The following ALLC variants were observed in gnomAD, a reference collection of about 807,000 sequenced individuals.
ALLC encodes the protein probable inactive allantoicase.
Under a neutral mutation model 45.0 loss-of-function variants are expected in ALLC, and 40 were observed. That is an observed-to-expected ratio of 0.89 (90% confidence interval 0.69 to 1.16). The LOEUF (loss-of-function observed/expected upper bound fraction) is 1.16, where lower values mean the gene tolerates loss of function less well. Ranked by LOEUF, ALLC falls within the 50% of genes most tolerant of loss-of-function variation. The pLI is 0.00. For synonymous variants in ALLC, 176 were observed against 178.1 expected, an observed-to-expected ratio of 0.99 and a Z score of 0.09; for missense variants, 488 against 493.1, an observed-to-expected ratio of 0.99 and a Z score of 0.10.
chr2:3,668,565 A>ATTTTTT (rs1666786061), intron 1 of ALLC, among the ~76,000 whole-genome samples: 2 of 86,274 alleles, frequency 2.3e-5, no homozygotes, highest in African/African-American at 1.1e-4. Context: ...AATGTGTATG[A>ATTTTTT]CTTTTTTTTT....
chr2:3,672,928 G>A (rs2148000011), intron 2 of ALLC, among the ~76,000 whole-genome samples: 1 of 152,358 alleles, frequency 6.6e-6, no homozygotes, highest in South Asian at 2.1e-4. Context: ...AAGACCCTGT[G>A]CCTGCCCCCA....
chr2:3,702,516 G>GTTC lies in ALLC; in HGVS notation c.1129_1130insTTC (p.Glu377delinsValGln). Reference sequence around the variant, plus strand: ...CTCCATCTGCCTCCTGAGGCCCCGGGAGAAGCCCATGTTGAAGTTCTCGGT... The same window carrying GTTC: ...CTCCATCTGCCTCCTGAGGCCCCGGGTTCAGAAGCCCATGTTGAAGTTCTCGGT... On this transcript the variant is annotated protein_altering_variant, in exon 12 of 12. Coordinates refer to ENST00000252505, the MANE Select transcript of ALLC (RefSeq NM_018436.4). 1 of 1,608,792 alleles carries GTTC rather than the reference G, an allele frequency of 6.2e-7. No individual in the cohort carries two copies. Among genetic ancestry groups the GTTC allele is most frequent in the Non-Finnish European group, 8.5e-7 (1 of 1,178,060 alleles).
intron 3 of ALLC, among the ~76,000 whole-genome samples, 153 bp downstream of exon 3, chr2:3,674,278 G>T (rs978558135): frequency 1.3e-5 from 2 of 152,208 alleles, no homozygotes; most frequent in African/African-American, 4.8e-5. Flanking sequence ...ATGCAAATCA[G>T]CATGAACTCA....
intron 1 of ALLC, among the ~76,000 whole-genome samples, chr2:3,663,246 A>G (rs1176365161): frequency 6.6e-6 from 1 of 152,244 alleles, no homozygotes; most frequent in Non-Finnish European, 1.5e-5. Flanking sequence ...ATGCAGCCAT[A>G]AAAGATGAGA....
intron 7 of ALLC, among the ~76,000 whole-genome samples, chr2:3,683,330 A>G (rs77130098): frequency 0.011 from 1,618 of 152,348 alleles, 55 homozygotes; most frequent in South Asian, 0.064. Flanking sequence ...GATCCTAACT[A>G]GATTTCACAA....
chr2:3,670,514 C>T (rs989490286), intron 1 of ALLC, among the ~76,000 whole-genome samples: 11 of 152,132 alleles, frequency 7.2e-5, no homozygotes, highest in Non-Finnish European at 1.2e-4. Context: ...GGCTAAGTCC[C>T]GTGTTAGGAC....
intron 9 of ALLC, among the ~76,000 whole-genome samples, chr2:3,696,620 G>C (rs550717228): frequency 6.6e-6 from 1 of 152,158 alleles, no homozygotes; most frequent in African/African-American, 2.4e-5. Flanking sequence ...AAGGAGCTGC[G>C]ATTTAATAAT....
chr2:3,677,031 G>A (rs563322657), intron 3 of ALLC, among the ~76,000 whole-genome samples: 16 of 152,082 alleles, frequency 1.1e-4, no homozygotes, highest in Admixed American at 2.6e-4. Flanking sequence ...CAGGTGATCC[G>A]CCCTCCTTGG....
intron 7 of ALLC, among the ~76,000 whole-genome samples, chr2:3,693,539 A>G (rs1157642016): frequency 6.6e-6 from 1 of 152,228 alleles, no homozygotes; most frequent in East Asian, 1.9e-4. Context: ...CATTTTCCTG[A>G]CAATGTGTAG....
intron 1 of ALLC, among the ~76,000 whole-genome samples, chr2:3,669,641 C>G (rs1487385401): frequency 1.3e-5 from 2 of 152,104 alleles, no homozygotes; most frequent in African/African-American, 4.8e-5. Flanking sequence ...GAGGGAGACT[C>G]CATCTCAAAA....
chr2:3,693,787 A>G (rs1667585610), intron 7 of ALLC, among the ~76,000 whole-genome samples: 1 of 152,242 alleles, frequency 6.6e-6, no homozygotes, highest in African/African-American at 2.4e-5. Flanking sequence ...CAGGAGTTCA[A>G]GACCAGCCTG....
chr2:3,650,121 C>T, the ALLC span, among the ~76,000 whole-genome samples: 36 of 152,338 alleles, frequency 2.4e-4, no homozygotes, highest in African/African-American at 8.2e-4. Flanking sequence ...AAACAAGAGC[C>T]GTTCGGCACT....
At position 3,696,357 on chromosome 2, in the gene ALLC, T is replaced by C; in HGVS notation, c.741+9T>C. 1 of 1,603,356 alleles carries C rather than the reference T, an allele frequency of 6.2e-7. No homozygotes were observed. Among genetic ancestry groups the C allele is most frequent in the Non-Finnish European group, 8.5e-7 (1 of 1,175,440 alleles). On this transcript the variant is annotated intron_variant, in intron 9 of 11. Transcript: ENST00000252505. ...GGCCACCAATATTAGAAGTAAGAAG[T>C]TAAAAATAACTATGGTTTAAAGTTT...
At chr2:3,668,786 G>A (rs1399288231) in intron 1 of ALLC, among the ~76,000 whole-genome samples, 3 of 151,224 alleles carry the variant, frequency 2.0e-5, no homozygotes, top group African/African-American at 7.3e-5. Context: ...ATATTAGCCA[G>A]GGTGGTCTCG....
the ALLC span, among the ~76,000 whole-genome samples, chr2:3,647,669 C>T: frequency 6.6e-6 from 1 of 151,994 alleles, no homozygotes. Flanking sequence ...GCTCACCCGT[C>T]CTCTCCTGAT....
chr2:3,646,843 T>C, the ALLC span, among the ~76,000 whole-genome samples: 3 of 152,230 alleles, frequency 2.0e-5, no homozygotes, highest in Non-Finnish European at 4.4e-5. Context: ...CATGGTTTTC[T>C]GTGTGGCAGT....
chr2:3,663,415 C>T (rs551148667), intron 1 of ALLC, among the ~76,000 whole-genome samples: 117 of 152,238 alleles, frequency 7.7e-4, no homozygotes, highest in African/African-American at 2.6e-3. Context: ...ACACTGGGGC[C>T]TGTCGGAAGT....
chr2:3,683,491 C>T lies in ALLC; in HGVS notation c.511+417C>T, dbSNP rs144577236. Among the ~76,000 whole-genome samples the T allele has an allele frequency of 1.9e-4, 29 of 152,280 alleles. No homozygotes were observed. In the East Asian group the frequency reaches 2.1e-3, roughly 11 times the overall value. On this transcript the variant is annotated intron_variant, in intron 7 of 11. Coordinates refer to ENST00000252505, the MANE Select transcript of ALLC (RefSeq NM_018436.4). ...ATGCATAGACACGTGCAACCATCAC[C>T]ATACCTTTAGAACATTTTTATCATC... is the stretch of plus-strand genomic sequence containing the variant.
rs761437342 is a variant in ALLC at position 3,679,962 on chromosome 2, G to C, written c.266G>C (p.Arg89Pro). Reference sequence around the variant, plus strand: ...TACTTCACGGGAGATTACGCTCCTCGAGTGTCCATTCAAGCAGCAAACTTG... The same window carrying C: ...TACTTCACGGGAGATTACGCTCCTCCAGTGTCCATTCAAGCAGCAAACTTG... Reference protein sequence around the residue: ...VSYFTGDYAPRVSIQAANLEE... With the variant: ...VSYFTGDYAPPVSIQAANLEE... The change falls in exon 5 of 12, where the codon CGA becomes CCA. Residue 89 changes from arginine (R) to proline (P), a missense_variant. Physicochemically the swap from Arg to Pro is moderately radical, Grantham distance 103 (BLOSUM62 -2). Coordinates refer to ENST00000252505, the MANE Select transcript of ALLC (RefSeq NM_018436.4). 42 of 1,613,840 alleles carry C rather than the reference G, an allele frequency of 2.6e-5. No homozygotes were observed. The highest frequency in any genetic ancestry group is 3.5e-5 in the Non-Finnish European group (41 of 1,179,902).
Sources: gnomAD v4.1 joint callset for allele counts (sites outside exome capture counted in the v4.1 genomes callset) on GRCh38, gnomAD v4.1.1 for gene constraint, MANE v1.5 for transcripts, NCBI Gene and HGNC (gene_info 2026-07-23, HGNC 2026-07-21) for gene names.